RNF213: variants seen among roughly 807,000 people sequenced by gnomAD.
RNF213 encodes the protein ring finger protein 213, also known as E3 ubiquitin-protein ligase RNF213.
In RNF213, 341 loss-of-function variants were observed where a neutral mutation model predicts 514.4. That is an observed-to-expected ratio of 0.66 (90% CI 0.61 to 0.73). The LOEUF (loss-of-function observed/expected upper bound fraction) is 0.73. Among genes scored for constraint, RNF213 ranks in the 30% least tolerant of loss-of-function variants. The pLI is 0.00. For missense variants in RNF213, 5,767 were observed against 6,615.6 expected, an observed-to-expected ratio of 0.87 and a Z score of 4.45; for synonymous variants, 2,655 against 2,658.2, an observed-to-expected ratio of 1.00 and a Z score of 0.04.
chr17:80,317,164 G>A lies in RNF213; in HGVS notation c.2812-24G>A, dbSNP rs2045975007. 1 of 1,606,668 alleles carries A rather than the reference G, an allele frequency of 6.2e-7. No homozygotes were observed. Among genetic ancestry groups the A allele is most frequent in the Non-Finnish European group, 8.5e-7 (1 of 1,176,914 alleles). On this transcript the variant is annotated intron_variant, in intron 15 of 67. Transcript: ENST00000582970. This position sits in a 1 kb window ranked among gnomAD's most constrained non-coding sequence, Gnocchi z 4.1. ...GTGGCATTTAGTCGTGAGAGTGGGT[G>A]TGACCTGTGTGCGGGTTTTGCAGGT...
Position 80,317,381 on chromosome 17 carries a change from C to T in RNF213, c.2901+104C>T. 1 of 1,000,788 alleles carries T rather than the reference C, an allele frequency of 1.0e-6. No individual in the cohort carries two copies. 62.0% of individuals were successfully genotyped at this position (1,000,788 alleles called of 1,614,324 possible). A position where few individuals can be genotyped will look rare whatever the true frequency, so the allele number is the denominator to read the frequency against. ...GATCTCAGCAGTGCCTCTCTGTGGGCAGGGATGGGGTGAATCACAGCTCCG... is the reference window on the plus strand; with the variant it reads ...GATCTCAGCAGTGCCTCTCTGTGGGTAGGGATGGGGTGAATCACAGCTCCG... On this transcript the variant is annotated intron_variant, in intron 16 of 67. Transcript: ENST00000582970. The surrounding 1 kb of genome is among the most constrained non-coding windows in gnomAD (Gnocchi z 4.1).
intron 36 of RNF213, chr17:80,355,130 T>C: frequency 2.2e-6 from 1 of 454,798 alleles, no homozygotes; most frequent in Non-Finnish European, 4.4e-6. Context: ...AGACAGACTC[T>C]CAGACCTCCT....
At chr17:80,328,695 T>C (rs2046339878) in intron 20 of RNF213, among the ~76,000 whole-genome samples, 1 of 152,216 alleles carries the variant, frequency 6.6e-6, no homozygotes, top group South Asian at 2.1e-4. Flanking sequence ...AAGTGTCTCC[T>C]GGATTTTTCC....
intron 3 of RNF213, among the ~76,000 whole-genome samples, chr17:80,280,100 G>A (rs906794299): frequency 6.7e-6 from 1 of 149,962 alleles, no homozygotes; most frequent in African/African-American, 2.5e-5. Context: ...TCCTCTGTGG[G>A]CTGGGGCTTG....
At chr17:80,323,201 G>A (rs1220180851) in intron 17 of RNF213, among the ~76,000 whole-genome samples, 1 of 152,182 alleles carries the variant, frequency 6.6e-6, no homozygotes. Flanking sequence ...GACGATACAT[G>A]TATGGATTTA....
intron 3 of RNF213, among the ~76,000 whole-genome samples, chr17:80,276,061 CTTTATTTATTTA>C (rs541486971): frequency 6.6e-6 from 1 of 150,768 alleles, no homozygotes; most frequent in Non-Finnish European, 1.5e-5. Flanking sequence ...GGAACATAGA[CTTTATTTATTTA>C]TTTATTTATT....
chr17:80,338,043 C>T (rs374353186), intron 25 of RNF213, 46 bp downstream of exon 25: 263 of 1,534,082 alleles, frequency 1.7e-4, no homozygotes, highest in Non-Finnish European at 2.0e-4. Context: ...GGTGTCATCT[C>T]GTCCGTGAGG....
chr17:80,262,533 C>T (rs1172242625), intron 1 of RNF213, among the ~76,000 whole-genome samples: 1 of 152,126 alleles, frequency 6.6e-6, no homozygotes, highest in Non-Finnish European at 1.5e-5. Context: ...TCCCTGGGAC[C>T]GTTCCTAGAT....
At chr17:80,269,106 C>A (rs2043709026) in intron 2 of RNF213, among the ~76,000 whole-genome samples, 1 of 152,190 alleles carries the variant, frequency 6.6e-6, no homozygotes, top group Non-Finnish European at 1.5e-5. Context: ...CCAGAAGACT[C>A]AGCGAGCCAG....
At chr17:80,327,393 G>A (rs554597353) in intron 18 of RNF213, among the ~76,000 whole-genome samples, 62 of 152,150 alleles carry the variant, frequency 4.1e-4, no homozygotes, top group African/African-American at 1.4e-3. Context: ...CTAGCTACTC[G>A]GGAGGCTGAG....
chr17:80,338,131 G>A (rs1599053118), intron 25 of RNF213, 134 bp downstream of exon 25: 3 of 1,141,836 alleles, frequency 2.6e-6, no homozygotes, highest in Non-Finnish European at 3.7e-6. Context: ...TTAGGCCCAT[G>A]GAGAGTAGAG....
Position 80,347,126 on chromosome 17 carries a change from T to C in RNF213, c.8791T>C (p.Tyr2931His), listed in dbSNP as rs1319244268. ...DILVQDRVQG[Y>H]FASFAKAYET... ...CCTCGTCCAGGACCGAGTCCAAGGGTACTTTGCGTCCTTTGCCAAAGCCTA... is the reference window on the plus strand; with the variant it reads ...CCTCGTCCAGGACCGAGTCCAAGGGCACTTTGCGTCCTTTGCCAAAGCCTA... Residue 2931 changes from tyrosine to histidine, a missense_variant, in exon 29 of 68, where the codon TAC becomes CAC. By Grantham distance (83) the Tyr-to-His change is moderately conservative. Coordinates refer to ENST00000582970, the MANE Select transcript of RNF213 (RefSeq NM_001256071.3). The surrounding 1 kb of genome is among the most constrained non-coding windows in gnomAD (Gnocchi z 7.2). The C allele has an allele frequency of 1.2e-6, 2 of 1,613,608 alleles. No individual in the cohort carries two copies. The highest frequency in any genetic ancestry group is 2.7e-5 in the African/African-American group (2 of 74,750).
chr17:80,332,200 C>T lies in RNF213; in HGVS notation c.3712C>T (p.Arg1238Trp), dbSNP rs1599039773. The change falls in exon 21 of 68, where the codon CGG (arginine) becomes TGG (tryptophan). Residue 1238 changes from arginine to tryptophan, a missense_variant. By Grantham distance (101) the Arg-to-Trp change is moderately radical. Coordinates refer to ENST00000582970, the MANE Select transcript of RNF213 (RefSeq NM_001256071.3). ...RDSHIFQLFW[R>W]EAAEPLSEPK... is the part of the protein sequence containing the mutation. ...CAGCCACATCTTCCAGCTCTTCTGG[C>T]GGGAAGCCGCAGAGCCGCTGAGTGA... 6 of 1,537,130 alleles carry T rather than the reference C, an allele frequency of 3.9e-6. No individual in the cohort carries two copies. The highest frequency in any genetic ancestry group is 5.2e-6 in the Non-Finnish European group (6 of 1,146,916).
intron 3 of RNF213, among the ~76,000 whole-genome samples, chr17:80,280,441 G>A (rs112814742): frequency 2.0e-5 from 3 of 152,114 alleles, no homozygotes; most frequent in African/African-American, 7.2e-5. Context: ...AGCTCTGAAT[G>A]GGTTTGGTGG....
At chr17:80,328,588 A>T (rs1384016741) in intron 20 of RNF213, 111 bp downstream of exon 20, 43 of 1,098,750 alleles carry the variant, frequency 3.9e-5, no homozygotes, top group South Asian at 1.7e-4. Flanking sequence ...AGGCTTTAAA[A>T]TTTTTTTTTT....
At chr17:80,327,543 G>A (rs1378570057) in intron 18 of RNF213, among the ~76,000 whole-genome samples, 1 of 152,066 alleles carries the variant, frequency 6.6e-6, no homozygotes, top group African/African-American at 2.4e-5. Context: ...TTTAACCTGA[G>A]AAATGTGTCT....
chr17:80,344,741 A>C lies in RNF213; in HGVS notation c.6406A>C (p.Lys2136Gln). 6.2e-7 allele frequency: 1 copy of C among 1,614,132 alleles called. No homozygotes were observed. Among genetic ancestry groups the C allele is most frequent in the Non-Finnish European group, 8.5e-7 (1 of 1,180,014 alleles). ...IFPKVTCRPPKEVIDMELSAL... is the reference protein window; with the variant it reads ...IFPKVTCRPPQEVIDMELSAL... ...CCCAAAAGTCACCTGCAGGCCTCCC[A>C]AAGAGGTGATAGACATGGAGCTGAG... The change falls in exon 29 of 68, where the codon AAA (lysine) becomes CAA (glutamine). Residue 2136 changes from lysine to glutamine, a missense_variant. By Grantham distance (53) the Lys-to-Gln change is moderately conservative (BLOSUM62 1). Around this residue, in one of 13 missense-constraint regions of RNF213, gnomAD observed 1,377 missense variants for 1,635.2 expected, o/e 0.84. Coordinates refer to ENST00000582970, the MANE Select transcript of RNF213 (RefSeq NM_001256071.3).
chr17:80,310,810 C>T lies in RNF213; in HGVS notation c.2655+1639C>T, dbSNP rs528169228. 6.6e-5 allele frequency among the ~76,000 whole-genome samples: 10 copies of T among 152,332 alleles called. No individual in the cohort carries two copies. The South Asian group carries it at 1.2e-3, about 19-fold the overall frequency. ...CAGGTGATTCGCCTGCCTCAGCCTC[C>T]CAAAGTGCTAGGATTACAGGCATGA... On this transcript the variant is annotated intron_variant, in intron 14 of 67. Coordinates refer to ENST00000582970, the MANE Select transcript of RNF213 (RefSeq NM_001256071.3).
intron 55 of RNF213, 51 bp downstream of exon 55, chr17:80,379,765 G>A (rs763498811): frequency 5.4e-6 from 8 of 1,491,346 alleles, no homozygotes; most frequent in African/African-American, 1.4e-5. Flanking sequence ...TGGGGTGTTG[G>A]GCTGTTTTTA....
Sources: allele counts gnomAD v4.1 joint callset (sites outside exome capture counted in the v4.1 genomes callset), GRCh38; gene constraint gnomAD v4.1.1; regional missense constraint gnomAD v4.1.1; non-coding constraint Gnocchi (gnomAD v3.1); transcripts MANE v1.5; gene names NCBI Gene and HGNC (gene_info 2026-07-23, HGNC 2026-07-21).